The following TRPM4 variants were observed in gnomAD, a reference collection of about 807,000 sequenced individuals.
TRPM4 encodes the protein calcium-activated non-selective cation channel 1.
A neutral mutation model predicts 135.6 loss-of-function variants in TRPM4; 124 were observed. The ratio of observed to expected loss-of-function variants is 0.91; its 90% CI spans 0.79 to 1.06. TRPM4 has a LOEUF of 1.06. Ranked by LOEUF, TRPM4 falls within the 50% of genes least tolerant of loss-of-function variation. The pLI, the probability that TRPM4 is intolerant of heterozygous loss-of-function variation, is 0.00. For synonymous variants in TRPM4, 745 were observed against 705.6 expected (o/e 1.06, Z -0.88); for missense variants, 1,658 against 1,671.4 (o/e 0.99, Z 0.14).
At position 49,171,314 on chromosome 19, in the gene TRPM4, G is replaced by T; in HGVS notation, c.797-43G>T. ...GCGGTTTTCTCCTATCTCCAGCAAA[G>T]GCTGATGGGAGGTAATCAAGCCCCC... On this transcript the variant is annotated intron_variant, in intron 6 of 24. Coordinates refer to ENST00000252826, the MANE Select transcript of TRPM4 (RefSeq NM_017636.4). The surrounding 1 kb of genome is among the most constrained non-coding windows in gnomAD (Gnocchi z 4.7). 1 of 1,611,210 alleles carries T rather than the reference G, an allele frequency of 6.2e-7. No homozygotes were observed. Among genetic ancestry groups the T allele is most frequent in the East Asian group, 2.2e-5 (1 of 44,874 alleles).
rs568181470 is a variant in TRPM4 at position 49,193,190 on chromosome 19, C to T, written c.2210+2417C>T. Among the ~76,000 whole-genome samples, 5 of 151,166 alleles carry T rather than the reference C, an allele frequency of 3.3e-5. No homozygotes were observed. In the South Asian group the frequency reaches 1.0e-3, roughly 32 times the overall value. On this transcript the variant is annotated intron_variant, in intron 16 of 24. Coordinates refer to ENST00000252826, the MANE Select transcript of TRPM4 (RefSeq NM_017636.4). ...CCTCCTCCCGGGTTCACACCATTCT[C>T]CTGCCTCAGCCTCCTGAGTAGCTGG...
At position 49,166,201 on chromosome 19, in the gene TRPM4, C is replaced by T. The variant is rs745536801; in HGVS notation, c.253C>T (p.Arg85Cys). The change falls in exon 3 of 25, where the codon CGC (arginine) becomes TGC (cysteine). Residue 85 changes from arginine (R) to cysteine (C), a missense_variant. Coordinates refer to ENST00000252826, the MANE Select transcript of TRPM4 (RefSeq NM_017636.4). ...AGAGCTGGACTTCACGGGGGCCGGC[C>T]GCAAGCACAGCAATGTGAGGCGGGC... ...YGELDFTGAGRKHSNFLRLSD... is the reference protein window; with the variant it reads ...YGELDFTGAGCKHSNFLRLSD... 1.9e-6 allele frequency: 3 copies of T among 1,605,724 alleles called. No homozygotes were observed. The highest frequency in any genetic ancestry group is 2.2e-5 in the East Asian group (1 of 44,532).
chr19:49,168,887 T>C, intron 6 of TRPM4, 151 bp downstream of exon 6: 1 of 915,688 alleles, frequency 1.1e-6, no homozygotes, highest in Non-Finnish European at 1.7e-6. Flanking sequence ...TAAAAACTTC[T>C]GTCTGAGAGT....
chr19:49,207,482 T>C (rs1286275838), intron 20 of TRPM4, among the ~76,000 whole-genome samples: 1 of 151,254 alleles, frequency 6.6e-6, no homozygotes, highest in East Asian at 1.9e-4. Flanking sequence ...AATAAAAAAT[T>C]TGCCAGGCGT....
At chr19:49,182,415 T>G in intron 10 of TRPM4, 163 bp from the exon 11 acceptor site, 1 of 678,974 alleles carries the variant, frequency 1.5e-6, no homozygotes, top group East Asian at 2.8e-5. Flanking sequence ...CATCTGTCCA[T>G]CCATCCATCT....
chr19:49,163,920 G>A (rs1967064878), intron 2 of TRPM4, among the ~76,000 whole-genome samples: 1 of 152,202 alleles, frequency 6.6e-6, no homozygotes, highest in African/African-American at 2.4e-5. Flanking sequence ...GCATGCCAGG[G>A]CCCTGGAGGT....
At chr19:49,188,070 A>C (rs1968264568) in intron 12 of TRPM4, among the ~76,000 whole-genome samples, 1 of 152,062 alleles carries the variant, frequency 6.6e-6, no homozygotes, top group Non-Finnish European at 1.5e-5. Context: ...TCTTGTAGCT[A>C]ATTTGTTAGT....
intron 20 of TRPM4, among the ~76,000 whole-genome samples, chr19:49,203,984 T>C (rs8103058): frequency 0.23 from 35,100 of 151,920 alleles, 7,402 homozygotes; most frequent in African/African-American, 0.57. Flanking sequence ...AAAAATTAGC[T>C]GGGCTCATGT....
In TRPM4 at chr19:49,202,008, T is replaced by TGGGCACACCCTCCTGGGGCCCAGGC; in HGVS notation, c.3005_3029dup (p.Cys1011ProfsTer113). On this transcript the variant is annotated frameshift_variant, in exon 20 of 25. Transcript: ENST00000252826. LOFTEE classifies it high-confidence loss of function. ...CAACTGCTCGTCGGAGCCCGGCTTC[T>TGGGCACACCCTCCTGGGGCCCAGGC]GGGCACACCCTCCTGGGGCCCAGGC... The TGGGCACACCCTCCTGGGGCCCAGGC allele has an allele frequency of 6.2e-7, 1 of 1,613,716 alleles. No homozygotes were observed. The highest frequency in any genetic ancestry group is 8.5e-7 in the Non-Finnish European group (1 of 1,180,038).
chr19:49,161,323 C>CTTTTTTTTT (rs67808134), intron 2 of TRPM4, among the ~76,000 whole-genome samples: 1 of 101,210 alleles, frequency 9.9e-6, no homozygotes, highest in African/African-American at 3.7e-5. Flanking sequence ...GTCTCTCTCT[C>CTTTTTTTTT]TTTTTTTTTT....
rs527898384 is a variant in TRPM4 at position 49,170,808 on chromosome 19, G to A, written c.797-549G>A. On this transcript the variant is annotated intron_variant, in intron 6 of 24. Coordinates refer to ENST00000252826, the MANE Select transcript of TRPM4 (RefSeq NM_017636.4). ...AAAGACATGACAATTCTGGCCAGGC[G>A]CGCTGGCTCACAGCTGTAATCCCAG... Among the ~76,000 whole-genome samples, 19 of 152,224 alleles carry A rather than the reference G, an allele frequency of 1.2e-4. 1 individual carries two copies. The South Asian group carries it at 2.7e-3, about 22-fold the overall frequency.
At position 49,211,270 on chromosome 19, in the gene TRPM4, G is replaced by T; in HGVS notation, c.3640+1G>T. 1 of 1,581,416 alleles carries T rather than the reference G, an allele frequency of 6.3e-7. No homozygotes were observed. Among genetic ancestry groups the T allele is most frequent in the Non-Finnish European group, 8.6e-7 (1 of 1,165,072 alleles). ...CCCCCTGACCTGCCTGGGTCCAAAG[G>T]TCAGTGTGTAGCATCAGCCTGTGCA... On this transcript the variant is annotated splice_donor_variant, in intron 24 of 24. Transcript: ENST00000252826. LOFTEE classifies it high-confidence loss of function. This position sits in a 1 kb window ranked among gnomAD's most constrained non-coding sequence, Gnocchi z 4.8.
chr19:49,167,876 C>G lies in TRPM4; in HGVS notation c.268-41C>G, dbSNP rs1022385953. ...TCTCTGTCCCCGTCTCTCTGGGTCTCTGTCCCCCTCCCTGTGTGCCCCGCT... is the reference window on the plus strand; with the variant it reads ...TCTCTGTCCCCGTCTCTCTGGGTCTGTGTCCCCCTCCCTGTGTGCCCCGCT... On this transcript the variant is annotated intron_variant, in intron 3 of 24. Transcript: ENST00000252826. The G allele has an allele frequency of 5.6e-6, 9 of 1,593,586 alleles. 1 individual carries two copies. The highest frequency in any genetic ancestry group is 7.7e-6 in the Non-Finnish European group (9 of 1,162,948).
Position 49,171,852 on chromosome 19 carries a change from C to T in TRPM4, c.1050+83C>T. On this transcript the variant is annotated intron_variant, in intron 8 of 24. Transcript: ENST00000252826. The surrounding 1 kb of genome is among the most constrained non-coding windows in gnomAD (Gnocchi z 4.7). ...GCTCCTGGGTCTGAGGGAGGAGGGG[C>T]TGGGGGCCTGGACTTCCAGGTTCCG... 6.7e-7 allele frequency: 1 copy of T among 1,483,960 alleles called. No homozygotes were observed. 91.9% of individuals were successfully genotyped at this position (1,483,960 alleles called of 1,614,324 possible).
chr19:49,196,360 C>T, intron 16 of TRPM4, 80 bp from the exon 17 acceptor site: 1 of 1,357,340 alleles, frequency 7.4e-7, no homozygotes, highest in Non-Finnish European at 9.8e-7. Context: ...ATGTGCCAAG[C>T]CAAAAGTCTC....
At chr19:49,160,968 T>C (rs1239574832) in intron 2 of TRPM4, among the ~76,000 whole-genome samples, 1 of 151,920 alleles carries the variant, frequency 6.6e-6, no homozygotes, top group African/African-American at 2.4e-5. Flanking sequence ...GGACGTATGC[T>C]CTGCTGACTG....
chr19:49,190,448 G>A (rs1968368498), intron 15 of TRPM4, 128 bp downstream of exon 15: 7 of 916,446 alleles, frequency 7.6e-6, no homozygotes, highest in Non-Finnish European at 1.2e-5. Context: ...GGGACTCTCT[G>A]TCCCTCCACT....
In TRPM4 at chr19:49,171,325, G is replaced by A. The variant is rs760812370; in HGVS notation, c.797-32G>A. The A allele has an allele frequency of 6.2e-7, 1 of 1,613,598 alleles. No homozygotes were observed. The highest frequency in any genetic ancestry group is 1.3e-5 in the African/African-American group (1 of 74,912). ...CTATCTCCAGCAAAGGCTGATGGGAGGTAATCAAGCCCCCTTCTCTTCTTG... is the reference window on the plus strand; with the variant it reads ...CTATCTCCAGCAAAGGCTGATGGGAAGTAATCAAGCCCCCTTCTCTTCTTG... On this transcript the variant is annotated intron_variant, in intron 6 of 24. Coordinates refer to ENST00000252826, the MANE Select transcript of TRPM4 (RefSeq NM_017636.4). This position sits in a 1 kb window ranked among gnomAD's most constrained non-coding sequence, Gnocchi z 4.7.
At chr19:49,161,153 G>A (rs898041733) in intron 2 of TRPM4, among the ~76,000 whole-genome samples, 6 of 151,990 alleles carry the variant, frequency 3.9e-5, no homozygotes, top group African/African-American at 9.7e-5. Context: ...TGAGAGGTCC[G>A]AGTTGTAGCT....
Sources: allele counts gnomAD v4.1 joint callset (sites outside exome capture counted in the v4.1 genomes callset), GRCh38; gene constraint gnomAD v4.1.1; non-coding constraint Gnocchi (gnomAD v3.1); transcripts MANE v1.5; gene names NCBI Gene and HGNC (gene_info 2026-07-23, HGNC 2026-07-21).